Variants in MMP2 observed in about 807,000 individuals in gnomAD.
The protein encoded by MMP2 is matrix metallopeptidase 2, also known as 72 kDa type IV collagenase.
In MMP2, 39 loss-of-function variants were observed where a neutral mutation model predicts 74.8. The ratio of observed to expected loss-of-function variants is 0.52; its 90% CI spans 0.40 to 0.68. The LOEUF (loss-of-function observed/expected upper bound fraction) is 0.68, where lower values mean the gene tolerates loss of function less well. Among genes scored for constraint, MMP2 ranks in the 30% least tolerant of loss-of-function variants. The pLI is 0.00. For synonymous variants in MMP2, 367 were observed against 339.8 expected, an observed-to-expected ratio of 1.08 and a Z score of -0.88; for missense variants, 803 against 878.3, an observed-to-expected ratio of 0.91 and a Z score of 1.08.
intron 9 of MMP2, among the ~76,000 whole-genome samples, chr16:55,493,979 G>A (rs1992116): frequency 0.34 from 51,166 of 152,066 alleles, 10,012 homozygotes; most frequent in Non-Finnish European, 0.44. Flanking sequence ...CCTGGAGAAT[G>A]GCAGGCAGTA....
chr16:55,505,056 A>T (rs112909975), intron 12 of MMP2, among the ~76,000 whole-genome samples: 10 of 151,564 alleles, frequency 6.6e-5, no homozygotes, highest in African/African-American at 2.4e-4. Context: ...GGCTTAAGCG[A>T]CCCTCCCACG....
rs529711059 is a variant in MMP2, at chr16:55,504,063, A to C, written c.1879+1175A>C. 1.6e-3 allele frequency among the ~76,000 whole-genome samples: 244 copies of C among 152,304 alleles called. 1 individual carries two copies. The highest frequency in any genetic ancestry group is 5.5e-3 in the African/African-American group (227 of 41,566). The stretch of plus-strand genomic sequence containing the variant: ...GTCCCAGCTACTGGGGAGGGTGAGC[A>C]GAGAGGATCGCTTGAGCCCAGGAGT... On this transcript the variant is annotated intron_variant, in intron 12 of 12. Coordinates refer to ENST00000219070, the MANE Select transcript of MMP2 (RefSeq NM_004530.6).
At chr16:55,492,044 C>A in intron 8 of MMP2, 88 bp downstream of exon 8, 2 of 1,331,474 alleles carry the variant, frequency 1.5e-6, no homozygotes, top group South Asian at 1.3e-5. Context: ...GTGGGACCAG[C>A]AAGATCTCAT....
In MMP2 at chr16:55,488,536, C is replaced by T. The variant is rs768334314; in HGVS notation, c.833-7C>T. The T allele has an allele frequency of 6.2e-7, 1 of 1,613,454 alleles. No individual in the cohort carries two copies. Among genetic ancestry groups the T allele is most frequent in the African/African-American group, 1.3e-5 (1 of 74,894 alleles). On this transcript the variant is annotated splice_region_variant and splice_polypyrimidine_tract_variant and intron_variant, in intron 5 of 12. Transcript: ENST00000219070. The stretch of plus-strand genomic sequence containing the variant: ...TTCACATCCTTCCCTCTCTCCCCCA[C>T]CCTTAGCCCTGTTCACCATGGGCGG...
chr16:55,483,976 C>T (rs1336563645), intron 2 of MMP2, 40 bp from the exon 3 acceptor site: 1 of 1,595,874 alleles, frequency 6.3e-7, no homozygotes. Context: ...TACACTTATG[C>T]ACATGCATAC....
chr16:55,489,683 G>T lies in MMP2; in HGVS notation c.1039G>T (p.Ala347Ser). 1 of 1,614,122 alleles carries T rather than the reference G, an allele frequency of 6.2e-7. No individual in the cohort carries two copies. Among genetic ancestry groups the T allele is most frequent in the Non-Finnish European group, 8.5e-7 (1 of 1,180,022 alleles). The change falls in exon 7 of 13, where the codon GCC becomes TCC. Residue 347 changes from alanine to serine, a missense_variant. Coordinates refer to ENST00000219070, the MANE Select transcript of MMP2 (RefSeq NM_004530.6). The stretch of plus-strand genomic sequence containing the variant: ...CACTGTTGGTGGGAACTCAGAAGGT[G>T]CCCCCTGTGTCTTCCCCTTCACTTT... Reference protein sequence around the residue: ...MSTVGGNSEGAPCVFPFTFLG... With the variant: ...MSTVGGNSEGSPCVFPFTFLG...
In MMP2 at chr16:55,484,017, A is replaced by G; in HGVS notation, c.382A>G (p.Ile128Val). The change falls in exon 3 of 13, where the codon ATC becomes GTC. Residue 128 changes from isoleucine to valine, a missense_variant and splice_region_variant. Transcript: ENST00000219070. ...CACATGCAGTTCTACCACCTCCAGG[A>G]TCATTGGCTACACACCTGATCTGGA... ...KWDKNQITYRIIGYTPDLDPE... is the reference protein window; with the variant it reads ...KWDKNQITYRVIGYTPDLDPE... The G allele has an allele frequency of 6.2e-7, 1 of 1,614,200 alleles. No individual in the cohort carries two copies. Among genetic ancestry groups the G allele is most frequent in the Non-Finnish European group, 8.5e-7 (1 of 1,180,012 alleles).
At chr16:55,481,906 A>G (rs746263650) in intron 1 of MMP2, 2 of 718,670 alleles carry the variant, frequency 2.8e-6, no homozygotes, top group Non-Finnish European at 5.2e-6. Context: ...ACTAGCCATT[A>G]TTCTATTATA....
In MMP2 at chr16:55,479,525, G is replaced by T. The variant is rs1378680696; in HGVS notation, c.46G>T (p.Ala16Ser). The T allele has an allele frequency of 1.2e-6, 2 of 1,607,212 alleles. No homozygotes were observed. Among genetic ancestry groups the T allele is most frequent in the Non-Finnish European group, 1.7e-6 (2 of 1,177,422 alleles). ...GGGCGCGCTCACGGGTCCCCTGAGG[G>T]CGCTCTGTCTCCTGGGCTGCCTGCT... The part of the protein sequence containing the change: ...ARGALTGPLR[A>S]LCLLGCLLSH... Residue 16 changes from alanine (A) to serine (S), a missense_variant, in exon 1 of 13, where the codon GCG (alanine) becomes TCG (serine). Physicochemically the swap from Ala to Ser is moderately conservative, Grantham distance 99. Around this residue, in one of 3 missense-constraint regions of MMP2, gnomAD observed 223 missense variants for 232.8 expected, o/e 0.96. Coordinates refer to ENST00000219070, the MANE Select transcript of MMP2 (RefSeq NM_004530.6).
At chr16:55,493,738 G>A (rs1596820639) in intron 9 of MMP2, among the ~76,000 whole-genome samples, 1 of 152,194 alleles carries the variant, frequency 6.6e-6, no homozygotes, top group African/African-American at 2.4e-5. Flanking sequence ...AAAGTCACAT[G>A]GAAATGCATA....
chr16:55,499,165 A>G (rs1596826103), intron 11 of MMP2, among the ~76,000 whole-genome samples: 1 of 71,534 alleles, frequency 1.4e-5, no homozygotes, highest in East Asian at 4.0e-4. Flanking sequence ...TGAGACTCCA[A>G]CTCAAAAAAA....
intron 6 of MMP2, among the ~76,000 whole-genome samples, chr16:55,488,997 C>T (rs537956668): frequency 6.6e-6 from 1 of 152,282 alleles, no homozygotes; most frequent in South Asian, 2.1e-4. Context: ...GACCTGCATC[C>T]CTTTTCTCTC....
In MMP2 at chr16:55,505,380, G is replaced by A. The variant is rs777646432; in HGVS notation, c.1921G>A (p.Glu641Lys). The A allele has an allele frequency of 6.2e-7, 1 of 1,614,106 alleles. No homozygotes were observed. Among genetic ancestry groups the A allele is most frequent in the Admixed American group, 1.7e-5 (1 of 60,020 alleles). Residue 641 changes from glutamate to lysine, a missense_variant, in exon 13 of 13, where the codon GAG becomes AAG. Glu to Lys is a moderately conservative substitution (Grantham distance 56). Coordinates refer to ENST00000219070, the MANE Select transcript of MMP2 (RefSeq NM_004530.6). ...CAAGGGTGCCTATTACCTGAAGCTG[G>A]AGAACCAAAGTCTGAAGAGCGTGAA... ...FFKGAYYLKL[E>K]NQSLKSVKFG...
chr16:55,491,153 C>G (rs1203737020), intron 7 of MMP2, among the ~76,000 whole-genome samples: 2 of 151,730 alleles, frequency 1.3e-5, no homozygotes, highest in African/African-American at 4.9e-5. Flanking sequence ...CAACCTCTGC[C>G]TCCTGGGTTC....
chr16:55,482,127 C>T (rs1361690716), intron 1 of MMP2, among the ~76,000 whole-genome samples: 1 of 152,172 alleles, frequency 6.6e-6, no homozygotes, highest in Non-Finnish European at 1.5e-5. Context: ...TGTTTTTCCT[C>T]AGCAGTAGCA....
At chr16:55,499,571 A>G (rs778078340) in intron 11 of MMP2, among the ~76,000 whole-genome samples, 1 of 152,192 alleles carries the variant, frequency 6.6e-6, no homozygotes, top group Admixed American at 6.5e-5. Flanking sequence ...CTGAGGGGCT[A>G]TAGTCATGAC....
chr16:55,503,342 C>T (rs1453897264), intron 12 of MMP2, among the ~76,000 whole-genome samples: 3 of 152,184 alleles, frequency 2.0e-5, no homozygotes, highest in African/African-American at 7.2e-5. Flanking sequence ...AACCAGTTTG[C>T]CCCTGGCCCC....
chr16:55,490,024 C>G (rs1280757858), intron 7 of MMP2, among the ~76,000 whole-genome samples, 200 bp downstream of exon 7: 3 of 152,184 alleles, frequency 2.0e-5, no homozygotes, highest in Non-Finnish European at 4.4e-5. Context: ...TCCTGCCCAT[C>G]CAGGTGGAGG....
intron 9 of MMP2, among the ~76,000 whole-genome samples, chr16:55,494,624 C>A (rs550170444): frequency 4.6e-5 from 7 of 152,336 alleles, no homozygotes; most frequent in African/African-American, 1.7e-4. Context: ...CAGCTTCAGA[C>A]CCTCCTGACT....
Sources: allele counts gnomAD v4.1 joint callset (sites outside exome capture counted in the v4.1 genomes callset), GRCh38; gene constraint gnomAD v4.1.1; regional missense constraint gnomAD v4.1.1; transcripts MANE v1.5; gene names NCBI Gene and HGNC (gene_info 2026-07-23, HGNC 2026-07-21).